CPA6: variants seen among roughly 807,000 people sequenced by gnomAD.
CPA6 encodes carboxypeptidase A6.
A neutral mutation model predicts 63.3 loss-of-function variants in CPA6; 58 were observed. The ratio of observed to expected loss-of-function variants is 0.92; its 90% CI spans 0.74 to 1.14. The LOEUF is 1.14. Ranked by LOEUF, CPA6 falls within the 50% of genes most tolerant of loss-of-function variation. CPA6 has a pLI of 0.00. For synonymous variants in CPA6, 185 were observed against 179.0 expected, an observed-to-expected ratio of 1.03 and a Z score of -0.27; for missense variants, 565 against 526.6, an observed-to-expected ratio of 1.07 and a Z score of -0.71.
At chr8:67,497,518 A>G (rs1811745235) in intron 6 of CPA6, among the ~76,000 whole-genome samples, 2 of 152,186 alleles carry the variant, frequency 1.3e-5, no homozygotes, top group South Asian at 2.1e-4. Flanking sequence ...CTTTTTGGCT[A>G]TGATGAATAA....
At chr8:67,706,044 A>G (rs1817127469) in intron 1 of CPA6, among the ~76,000 whole-genome samples, 1 of 152,222 alleles carries the variant, frequency 6.6e-6, no homozygotes, top group Admixed American at 6.5e-5. Flanking sequence ...TTGTTTACAA[A>G]GAGGAATGCT....
chr8:67,475,776 T>TC (rs1491381524), intron 8 of CPA6, among the ~76,000 whole-genome samples: 4 of 54,294 alleles, frequency 7.4e-5, no homozygotes, highest in Non-Finnish European at 1.0e-4. Context: ...TCTCTTTCTT[T>TC]CTTTCTTTCT....
At chr8:67,670,962 C>A (rs923040926) in intron 1 of CPA6, among the ~76,000 whole-genome samples, 2 of 152,218 alleles carry the variant, frequency 1.3e-5, no homozygotes, top group African/African-American at 4.8e-5. Context: ...CATCTGTAGA[C>A]ACAAACACAT....
intron 1 of CPA6, among the ~76,000 whole-genome samples, chr8:67,699,589 C>T (rs1283368483): frequency 6.8e-6 from 1 of 146,590 alleles, no homozygotes; most frequent in Non-Finnish European, 1.5e-5. Context: ...GTTTTTTCTT[C>T]TTTTTTTTTT....
chr8:67,532,923 G>A (rs1247035317), intron 2 of CPA6, among the ~76,000 whole-genome samples: 3 of 152,108 alleles, frequency 2.0e-5, no homozygotes, highest in Non-Finnish European at 4.4e-5. Context: ...AGTTTTTGAG[G>A]CTAAGTACAA....
intron 1 of CPA6, among the ~76,000 whole-genome samples, chr8:67,671,905 A>G (rs1816355920): frequency 6.6e-6 from 1 of 152,142 alleles, no homozygotes; most frequent in Admixed American, 6.5e-5. Context: ...ATCTTGGCTC[A>G]CTGCAACCTC....
intron 8 of CPA6, among the ~76,000 whole-genome samples, chr8:67,448,555 C>A (rs548633332): frequency 2.0e-5 from 3 of 146,360 alleles, no homozygotes; most frequent in Admixed American, 6.8e-5. Flanking sequence ...TCACCTCACC[C>A]CAGAAAGTCG....
At chr8:67,635,067 T>G (rs1046914624) in intron 1 of CPA6, among the ~76,000 whole-genome samples, 1 of 151,252 alleles carries the variant, frequency 6.6e-6, no homozygotes, top group African/African-American at 2.5e-5. Context: ...TTAAAAAAAA[T>G]TTTGTAGACA....
At chr8:67,523,581 T>C (rs183461090) in intron 2 of CPA6, among the ~76,000 whole-genome samples, 79 of 152,270 alleles carry the variant, frequency 5.2e-4, no homozygotes, top group Non-Finnish European at 9.9e-4. Flanking sequence ...GGAGCATTCA[T>C]TAAATGATAA....
At chr8:67,545,711 T>C (rs576070461) in intron 2 of CPA6, among the ~76,000 whole-genome samples, 2 of 152,102 alleles carry the variant, frequency 1.3e-5, no homozygotes, top group African/African-American at 4.8e-5. Context: ...AACAGGCATG[T>C]GCCACCACGC....
intron 2 of CPA6, among the ~76,000 whole-genome samples, chr8:67,548,260 T>C (rs902152374): frequency 1.3e-5 from 2 of 148,254 alleles, no homozygotes; most frequent in African/African-American, 2.5e-5. Context: ...TTTTCTTTTT[T>C]TTTTTTCTTG....
chr8:67,581,557 T>A (rs1267789792), intron 2 of CPA6, among the ~76,000 whole-genome samples: 1 of 152,152 alleles, frequency 6.6e-6, no homozygotes, highest in African/African-American at 2.4e-5. Context: ...AAGACCAGAG[T>A]ATTGAATTAT....
chr8:67,538,876 G>T (rs906800749), intron 2 of CPA6, among the ~76,000 whole-genome samples: 18 of 152,082 alleles, frequency 1.2e-4, no homozygotes, highest in African/African-American at 3.9e-4. Context: ...AGCCAGGATG[G>T]TCTTGATCTC....
chr8:67,509,327 C>T (rs1377012102), intron 5 of CPA6, among the ~76,000 whole-genome samples, 190 bp downstream of exon 5: 1 of 152,160 alleles, frequency 6.6e-6, no homozygotes, highest in Non-Finnish European at 1.5e-5. Flanking sequence ...AAAGTATTCT[C>T]TGAAATATCC....
At chr8:67,547,172 G>A (rs1052405172) in intron 2 of CPA6, among the ~76,000 whole-genome samples, 2 of 151,656 alleles carry the variant, frequency 1.3e-5, no homozygotes, top group African/African-American at 2.4e-5. Context: ...TCAGCCTCCC[G>A]AGTAGCTGAG....
chr8:67,579,783 A>G (rs1290628821), intron 2 of CPA6, among the ~76,000 whole-genome samples: 1 of 152,230 alleles, frequency 6.6e-6, no homozygotes, highest in Non-Finnish European at 1.5e-5. Context: ...TTCAACACCC[A>G]TAAAGGTTTA....
intron 2 of CPA6, among the ~76,000 whole-genome samples, chr8:67,599,285 C>T (rs185502934): frequency 3.2e-4 from 48 of 152,332 alleles, no homozygotes; most frequent in African/African-American, 1.1e-3. Flanking sequence ...TACCATGCTT[C>T]TGTAAACTTG....
intron 1 of CPA6, among the ~76,000 whole-genome samples, chr8:67,627,234 G>GGGGT (rs1815212774): frequency 6.6e-6 from 1 of 152,088 alleles, no homozygotes; most frequent in Non-Finnish European, 1.5e-5. Context: ...AAAACCACAT[G>GGGGT]ACCCCCAAAT....
intron 1 of CPA6, among the ~76,000 whole-genome samples, chr8:67,728,455 C>G (rs150124614): frequency 1.2e-3 from 189 of 152,180 alleles, no homozygotes; most frequent in African/African-American, 4.2e-3. Context: ...ACATTTATAG[C>G]CGGCACAAAA....
Sources: allele counts gnomAD v4.1 joint callset (sites outside exome capture counted in the v4.1 genomes callset), GRCh38; gene constraint gnomAD v4.1.1; transcripts MANE v1.5; gene names NCBI Gene and HGNC (gene_info 2026-07-23, HGNC 2026-07-21).